KHK: variants seen among roughly 807,000 people sequenced by gnomAD.
The protein encoded by KHK is fructokinase.
Under a neutral mutation model 36.0 loss-of-function variants are expected in KHK, and 37 were observed. The observed-to-expected ratio is 1.03, with a 90% CI of 0.79 to 1.35. KHK has a LOEUF of 1.35. Ranked by LOEUF, KHK falls within the 40% of genes most tolerant of loss-of-function variation. The pLI is 0.00. For missense variants in KHK, 395 were observed against 391.9 expected (o/e 1.01, Z -0.07); for synonymous variants, 161 against 162.8 (o/e 0.99, Z 0.08).
Position 27,100,036 on chromosome 2 carries a change from CCT to C in KHK, c.*289_*290del. The C allele has an allele frequency of 1.5e-6, 1 of 649,768 alleles. No individual in the cohort carries two copies. Among genetic ancestry groups the C allele is most frequent in the Non-Finnish European group, 2.7e-6 (1 of 373,366 alleles). 40.3% of individuals were successfully genotyped at this position (649,768 alleles called of 1,614,324 possible). The stretch of plus-strand genomic sequence containing the variant: ...CTGAGGCTCTGACTCTTCGATCCTC[CCT>C]CTTTGTGTCCATTCCCCAAATTAAC... On this transcript the variant is annotated 3_prime_UTR_variant, in exon 8 of 8. Coordinates refer to ENST00000260598, the MANE Select transcript of KHK (RefSeq NM_006488.3).
intron 1 of KHK, among the ~76,000 whole-genome samples, chr2:27,089,894 C>A (rs1669885504): frequency 6.6e-6 from 1 of 152,176 alleles, no homozygotes; most frequent in Non-Finnish European, 1.5e-5. Context: ...CTCTTGTTGC[C>A]CAGGCTGGAG....
chr2:27,096,385 C>A (rs1354333429), intron 3 of KHK, among the ~76,000 whole-genome samples: 2 of 152,144 alleles, frequency 1.3e-5, no homozygotes, highest in Non-Finnish European at 2.9e-5. Context: ...CCTGTGGGAG[C>A]CGTGTGCTGC....
chr2:27,099,380 G>T (rs371334415), intron 6 of KHK, 40 bp from the exon 7 acceptor site: 1 of 1,610,302 alleles, frequency 6.2e-7, no homozygotes, highest in South Asian at 1.1e-5. Flanking sequence ...CTGGGGGGAC[G>T]GGGTGGGCTA....
chr2:27,097,577 G>A lies in KHK; in HGVS notation c.492G>A (p.Gln164=), dbSNP rs775751684. The A allele has an allele frequency of 2.5e-6, 4 of 1,613,950 alleles. No individual in the cohort carries two copies. In the African/African-American group the frequency reaches 4.0e-5, roughly 16 times the overall value. ...DAHNTRQPPE[Q]KIRVSVEVEK... ...ACAACACCAGGCAGCCTCCAGAGCA[G>A]AAGATCCGGGTGTCCGTGGAGGTGG... The change falls in exon 5 of 8, where the codon CAG becomes CAA. Residue 164 remains glutamine, a synonymous_variant. Coordinates refer to ENST00000260598, the MANE Select transcript of KHK (RefSeq NM_006488.3).
chr2:27,088,786 A>G (rs1472618002), intron 1 of KHK, among the ~76,000 whole-genome samples: 1 of 152,100 alleles, frequency 6.6e-6, no homozygotes, highest in Non-Finnish European at 1.5e-5. Context: ...CTGTGAAGGC[A>G]TTTCTGTGGG....
chr2:27,088,732 CT>C (rs1369178842), intron 1 of KHK, among the ~76,000 whole-genome samples: 1 of 152,138 alleles, frequency 6.6e-6, no homozygotes, highest in Non-Finnish European at 1.5e-5. Context: ...CTTATTGGTT[CT>C]TGTATTTCCT....
intron 4 of KHK, 114 bp from the exon 5 acceptor site, chr2:27,097,389 C>T (rs1442819242): frequency 7.8e-6 from 11 of 1,405,376 alleles, no homozygotes; most frequent in Non-Finnish European, 1.1e-5. Context: ...GGGTTCTAGC[C>T]CAGCCTCCCC....
chr2:27,088,144 T>G (rs1200322424), intron 1 of KHK: 1 of 148,054 alleles, frequency 6.8e-6, no homozygotes, highest in Non-Finnish European at 1.5e-5. Context: ...GGTCTCATTC[T>G]GTCGTCCAGG....
intron 1 of KHK, among the ~76,000 whole-genome samples, chr2:27,088,662 GA>G (rs1399309006): frequency 6.6e-6 from 1 of 151,062 alleles, no homozygotes; most frequent in Non-Finnish European, 1.5e-5. Flanking sequence ...AATCTCAAGT[GA>G]TCTGCCCGTC....
At position 27,099,420 on chromosome 2, in the gene KHK, G is replaced by A; in HGVS notation, c.654G>A (p.Gly218=). The change falls in exon 7 of 8, where the codon GGG becomes GGA. Residue 218 remains glycine (G), a splice_region_variant and synonymous_variant. Transcript: ENST00000260598. ...LRGLYGRVRK[G]AVLVCAWAEE... The stretch of plus-strand genomic sequence containing the variant: ...CCAGCTGAGTGGAGCCGTCTTGCAG[G>A]GCTGTGCTTGTCTGTGCCTGGGCTG... The A allele has an allele frequency of 6.2e-7, 1 of 1,613,804 alleles. No individual in the cohort carries two copies.
chr2:27,094,315 C>T, intron 2 of KHK: 1 of 808,854 alleles, frequency 1.2e-6, no homozygotes, highest in Non-Finnish European at 2.1e-6. Context: ...CATCTCCTGC[C>T]CTGTTGCACT....
rs372907862 is a variant in KHK at position 27,087,114 on chromosome 2, C to CT, written c.-145dup. The CT allele has an allele frequency of 1.1e-4, 72 of 655,122 alleles. No individual in the cohort carries two copies. The East Asian group carries it at 2.0e-3, about 18-fold the overall frequency. 40.6% of individuals were successfully genotyped at this position (655,122 alleles called of 1,614,324 possible). A position where few individuals can be genotyped will look rare whatever the true frequency, so the allele number is the denominator to read the frequency against. On this transcript the variant is annotated 5_prime_UTR_variant, in exon 1 of 8. Coordinates refer to ENST00000260598, the MANE Select transcript of KHK (RefSeq NM_006488.3). ...CTTTCGTTCCCTGCACCCCTGGCCG[C>CT]TGCAGGTGGCTCCCTGGAGGAGGAG...
At chr2:27,094,101 G>A (rs1291312989) in intron 2 of KHK, 1 of 365,676 alleles carries the variant, frequency 2.7e-6, no homozygotes, top group Admixed American at 3.8e-5. Flanking sequence ...GGGCATTGCA[G>A]GAAACAAGCC....
Position 27,100,548 on chromosome 2 carries a change from A to C in KHK, c.*798A>C. On this transcript the variant is annotated 3_prime_UTR_variant, in exon 8 of 8. Coordinates refer to ENST00000260598, the MANE Select transcript of KHK (RefSeq NM_006488.3). ...CAATATAGGGTGGGTAAGGCCTTAT[A>C]ATGTAAAGAGCATATAATGTAAAGG... 1 of 1,290,466 alleles carries C rather than the reference A, an allele frequency of 7.7e-7. No homozygotes were observed. The highest frequency in any genetic ancestry group is 1.0e-6 in the Non-Finnish European group (1 of 988,428). The allele number at this position is 1,290,466 out of a possible 1,614,324, so 79.9% of individuals were successfully genotyped here.
chr2:27,099,326 A>C, intron 6 of KHK, 42 bp downstream of exon 6: 2 of 1,613,264 alleles, frequency 1.2e-6, no homozygotes, highest in Non-Finnish European at 8.5e-7. Context: ...AAGGTACAGG[A>C]TGAGCCTGGA....
intron 2 of KHK, among the ~76,000 whole-genome samples, chr2:27,093,401 G>A (rs1002787951): frequency 1.3e-5 from 2 of 152,116 alleles, no homozygotes; most frequent in African/African-American, 2.4e-5. Flanking sequence ...TAGGATGGTC[G>A]ACTCTCCTTT....
intron 4 of KHK, among the ~76,000 whole-genome samples, chr2:27,097,197 A>G (rs1670409078): frequency 6.6e-6 from 1 of 152,150 alleles, no homozygotes; most frequent in South Asian, 2.1e-4. Context: ...ACTCCAAGAG[A>G]GGTTTTGGAG....
Position 27,097,519 on chromosome 2 carries a change from A to T in KHK, c.434A>T (p.Glu145Val), listed in dbSNP as rs779178929. The T allele has an allele frequency of 1.1e-5, 17 of 1,613,660 alleles. No individual in the cohort carries two copies. In the African/African-American group the frequency reaches 2.1e-4, roughly 20 times the overall value. The change falls in exon 5 of 8, where the codon GAG (glutamate) becomes GTG (valine). Residue 145 changes from glutamate (E) to valine (V), a missense_variant. By Grantham distance (121) the Glu-to-Val change is moderately radical (BLOSUM62 -2). Coordinates refer to ENST00000260598, the MANE Select transcript of KHK (RefSeq NM_006488.3). ...WIHIEGRNAS[E>V]QVKMLQRIDA... is the part of the protein sequence containing the mutation. ...CTGTACCAGGGCCGGAACGCATCGG[A>T]GCAGGTGAAGATGCTGCAGCGGATA... is the stretch of plus-strand genomic sequence containing the variant.
Position 27,097,650 on chromosome 2 carries a change from G to C in KHK, c.564+1G>C. On this transcript the variant is annotated splice_donor_variant, in intron 5 of 7. Transcript: ENST00000260598. LOFTEE classifies it high-confidence loss of function. ...CCAGCTGTTTGGCTACGGAGACGTGGTGGGTGCCCCATTCAGCCTCTCTTT... is the reference window on the plus strand; with the variant it reads ...CCAGCTGTTTGGCTACGGAGACGTGCTGGGTGCCCCATTCAGCCTCTCTTT... 6.2e-7 allele frequency: 1 copy of C among 1,613,950 alleles called. No homozygotes were observed. The highest frequency in any genetic ancestry group is 8.5e-7 in the Non-Finnish European group (1 of 1,180,020).
Sources: gnomAD v4.1 joint callset for allele counts (sites outside exome capture counted in the v4.1 genomes callset) on GRCh38, gnomAD v4.1.1 for gene constraint, MANE v1.5 for transcripts, NCBI Gene and HGNC (gene_info 2026-07-23, HGNC 2026-07-21) for gene names.